The following RBFOX1 variants were observed in gnomAD, a reference collection of about 807,000 sequenced individuals.
The protein encoded by RBFOX1 is RNA binding protein fox-1 homolog 1.
In RBFOX1, 8 loss-of-function variants were observed where a neutral mutation model predicts 57.7. The ratio of observed to expected loss-of-function variants is 0.14; its 90% confidence interval spans 0.08 to 0.25. RBFOX1 has a LOEUF of 0.25. Among genes scored for constraint, RBFOX1 ranks in the 10% least tolerant of loss-of-function variants. The pLI is 1.00. For synonymous variants in RBFOX1, 326 were observed against 222.4 expected (o/e 1.47, Z -4.15); for missense variants, 611 against 548.5 (o/e 1.11, Z -1.14).
chr16:5,497,239 G>A (rs1433117057), intron 2 of RBFOX1, among the ~76,000 whole-genome samples: 1 of 151,508 alleles, frequency 6.6e-6, no homozygotes, highest in Non-Finnish European at 1.5e-5. Context: ...TATTATCTTT[G>A]AAATCCTTTG....
chr16:7,292,838 G>A lies in RBFOX1; in HGVS notation c.28-225309G>A, dbSNP rs909388397. On this transcript the variant is annotated intron_variant, in intron 4 of 15. Coordinates refer to ENST00000550418, the MANE Select transcript of RBFOX1 (RefSeq NM_018723.4). Reference sequence around the variant, plus strand: ...AATAGGTCTTGTAATGGAGCGTACAGGTTTGGTTTGGAAAGATGGCTTGAT... The same window carrying A: ...AATAGGTCTTGTAATGGAGCGTACAAGTTTGGTTTGGAAAGATGGCTTGAT... 2.6e-5 allele frequency among the ~76,000 whole-genome samples: 4 copies of A among 152,126 alleles called. No homozygotes were observed. The East Asian group carries it at 5.8e-4, about 22-fold the overall frequency.
rs2080968628 is a variant in RBFOX1 at position 7,534,351 on chromosome 16, C to A, written c.270+15962C>A. ...CAGGTGATCCGCCCGTCTCAGCCTA[C>A]CAAAGTGCTGGGATTACAGGCATGA... On this transcript the variant is annotated intron_variant, in intron 5 of 15. Transcript: ENST00000550418. Among the ~76,000 whole-genome samples the A allele has an allele frequency of 5.9e-5, 9 of 151,972 alleles. No homozygotes were observed. The South Asian group carries it at 1.9e-3, about 32-fold the overall frequency.
intron 4 of RBFOX1, among the ~76,000 whole-genome samples, chr16:7,291,910 A>G (rs991548918): frequency 2.8e-4 from 23 of 82,642 alleles, no homozygotes; most frequent in African/African-American, 1.0e-3. Context: ...ATAATGTATT[A>G]TATATAATAT....
intron 1 of RBFOX1, among the ~76,000 whole-genome samples, chr16:5,322,369 T>TTG (rs958488664): frequency 1.3e-5 from 2 of 152,092 alleles, no homozygotes; most frequent in African/African-American, 4.8e-5. Flanking sequence ...AGGAACTGGC[T>TTG]TGTGTGTGTG....
intron 4 of RBFOX1, among the ~76,000 whole-genome samples, chr16:7,425,721 G>C (rs75672216): frequency 0.03 from 4,507 of 152,212 alleles, 217 homozygotes; most frequent in African/African-American, 0.099. Flanking sequence ...AACATTCTAG[G>C]GGGGATAGAG....
chr16:7,118,168 G>A (rs1005172513), intron 4 of RBFOX1, among the ~76,000 whole-genome samples: 2 of 152,102 alleles, frequency 1.3e-5, no homozygotes, highest in African/African-American at 2.4e-5. Context: ...GTTGCATACT[G>A]TTTGCCATAG....
At chr16:7,436,026 G>T (rs1055584603) in intron 4 of RBFOX1, among the ~76,000 whole-genome samples, 11 of 152,104 alleles carry the variant, frequency 7.2e-5, no homozygotes, top group Admixed American at 2.6e-4. Context: ...TTTAGGGAGG[G>T]TGGGGCATGA....
At chr16:6,914,160 T>G (rs960738109) in intron 3 of RBFOX1, among the ~76,000 whole-genome samples, 5 of 152,202 alleles carry the variant, frequency 3.3e-5, no homozygotes, top group African/African-American at 1.2e-4. Flanking sequence ...AATGAGTGCA[T>G]TTCTGATTTC....
chr16:7,675,036 C>A lies in RBFOX1; in HGVS notation c.931-1738C>A, dbSNP rs145219632. On this transcript the variant is annotated intron_variant, in intron 13 of 15. Coordinates refer to ENST00000550418, the MANE Select transcript of RBFOX1 (RefSeq NM_018723.4). ...CACATTCATACCACACACATTCTCTCCACTCAAAACTTTAAGCCTGTTGCA... is the reference window on the plus strand; with the variant it reads ...CACATTCATACCACACACATTCTCTACACTCAAAACTTTAAGCCTGTTGCA... Among the ~76,000 whole-genome samples the A allele has an allele frequency of 4.6e-5, 7 of 152,274 alleles. No individual in the cohort carries two copies. In the East Asian group the frequency reaches 1.4e-3, roughly 29 times the overall value.
chr16:6,993,577 TG>T (rs2091838493), intron 3 of RBFOX1, among the ~76,000 whole-genome samples: 1 of 152,010 alleles, frequency 6.6e-6, no homozygotes, highest in Non-Finnish European at 1.5e-5. Flanking sequence ...GAGGCAAGAG[TG>T]GTGCTGCAAC....
chr16:7,187,074 A>G (rs968590261), intron 4 of RBFOX1, among the ~76,000 whole-genome samples: 8 of 151,194 alleles, frequency 5.3e-5, no homozygotes, highest in Non-Finnish European at 1.0e-4. Flanking sequence ...AGGTTGAGGT[A>G]GGAGGACCAC....
chr16:6,904,771 G>C (rs2069398232), intron 3 of RBFOX1, among the ~76,000 whole-genome samples: 1 of 152,042 alleles, frequency 6.6e-6, no homozygotes, highest in Non-Finnish European at 1.5e-5. Flanking sequence ...CAGTTCACCT[G>C]CCCGGGCTAC....
chr16:6,398,505 G>A (rs576721141), intron 2 of RBFOX1, among the ~76,000 whole-genome samples: 1 of 152,214 alleles, frequency 6.6e-6, no homozygotes, highest in South Asian at 2.1e-4. Context: ...ATGGGGTACA[G>A]GCATCGGATA....
intron 4 of RBFOX1, among the ~76,000 whole-genome samples, chr16:7,475,967 A>T (rs1293142191): frequency 6.6e-6 from 1 of 151,664 alleles, no homozygotes; most frequent in African/African-American, 2.4e-5. Flanking sequence ...ATTTTATTTT[A>T]TTTATTTTTT....
chr16:6,528,357 C>G (rs1362331), intron 2 of RBFOX1, among the ~76,000 whole-genome samples: 1 of 152,176 alleles, frequency 6.6e-6, no homozygotes, highest in Admixed American at 6.5e-5. Flanking sequence ...TAACTGTTTG[C>G]ACAGTCTCCA....
At chr16:5,502,908 G>C (rs1307496753) in intron 2 of RBFOX1, among the ~76,000 whole-genome samples, 1 of 152,210 alleles carries the variant, frequency 6.6e-6, no homozygotes, top group Non-Finnish European at 1.5e-5. Flanking sequence ...ACAGTCCCTA[G>C]AAAGATGGAC....
chr16:6,974,336 C>CTTTTTTTTTTTTTTTTTTTTT (rs59299498), intron 3 of RBFOX1, among the ~76,000 whole-genome samples: 1 of 58,664 alleles, frequency 1.7e-5, no homozygotes, highest in Non-Finnish European at 3.1e-5. Context: ...TTTTCTTTTT[C>CTTTTTTTTTTTTTTTTTTTTT]TTTTTTTTTT....
At chr16:6,341,463 G>A (rs1009755221) in intron 2 of RBFOX1, among the ~76,000 whole-genome samples, 1 of 152,082 alleles carries the variant, frequency 6.6e-6, no homozygotes, top group African/African-American at 2.4e-5. Context: ...TACAGTTAAG[G>A]GAACAGATTA....
At chr16:7,080,074 TATACATATGTATATATG>T (rs2058954061) in intron 4 of RBFOX1, among the ~76,000 whole-genome samples, 2 of 140,226 alleles carry the variant, frequency 1.4e-5, no homozygotes, top group Non-Finnish European at 3.0e-5. Flanking sequence ...TATATACATA[TATACATATGTATATATG>T]TATATATATA....
Sources: gnomAD v4.1 joint callset for allele counts (sites outside exome capture counted in the v4.1 genomes callset) on GRCh38, gnomAD v4.1.1 for gene constraint, MANE v1.5 for transcripts, NCBI Gene and HGNC (gene_info 2026-07-23, HGNC 2026-07-21) for gene names.